The following SHOC2 variants were observed in gnomAD, a reference collection of about 807,000 sequenced individuals.
SHOC2 encodes leucine-rich repeat protein SHOC-2.
A neutral mutation model predicts 50.2 loss-of-function variants in SHOC2; 4 were observed. The observed-to-expected ratio is 0.08, with a 90% CI of 0.04 to 0.18. The LOEUF (loss-of-function observed/expected upper bound fraction) is 0.18, where lower values mean the gene tolerates loss of function less well. Among genes scored for constraint, SHOC2 ranks in the 10% least tolerant of loss-of-function variants. The probability of loss-of-function intolerance (pLI) is 1.00; values close to 1 mark genes in which losing one functional copy is unlikely to be tolerated. For synonymous variants in SHOC2, 218 were observed against 244.5 expected, an observed-to-expected ratio of 0.89 and a Z score of 1.01; for missense variants, 388 against 669.6, an observed-to-expected ratio of 0.58 and a Z score of 4.64.
intron 2 of SHOC2, among the ~76,000 whole-genome samples, chr10:110,969,277 G>C (rs1847732561): frequency 6.6e-6 from 1 of 151,982 alleles, no homozygotes; most frequent in Non-Finnish European, 1.5e-5. Context: ...TTCTAATCTT[G>C]AAAAAGACTC....
intron 3 of SHOC2, among the ~76,000 whole-genome samples, chr10:110,992,293 A>G (rs988336591): frequency 6.6e-6 from 1 of 152,180 alleles, no homozygotes; most frequent in Admixed American, 6.5e-5. Flanking sequence ...GCTTAAATAC[A>G]TATTTATAGT....
At chr10:110,976,003 C>G (rs749017709) in intron 2 of SHOC2, among the ~76,000 whole-genome samples, 21 of 151,970 alleles carry the variant, frequency 1.4e-4, no homozygotes, top group African/African-American at 1.9e-4. Context: ...CTCTGCCTCA[C>G]GGGTTCAAGT....
intron 1 of SHOC2, among the ~76,000 whole-genome samples, chr10:110,950,879 T>C (rs1043009398): frequency 6.6e-6 from 1 of 152,170 alleles, no homozygotes; most frequent in Non-Finnish European, 1.5e-5. Flanking sequence ...TTACACCATG[T>C]ACAAAAATCA....
In SHOC2 at chr10:110,937,998, C is replaced by T. The variant is rs148757838; in HGVS notation, c.-235+18341C>T. Among the ~76,000 whole-genome samples, 784 of 152,260 alleles carry T rather than the reference C, an allele frequency of 5.1e-3. 6 individuals carry two copies. Among genetic ancestry groups the T allele is most frequent in the African/African-American group, 0.018 (751 of 41,554 alleles). On this transcript the variant is annotated intron_variant, in intron 1 of 8. Transcript: ENST00000369452. Reference sequence around the variant, plus strand: ...CTTTCAACTGAATCTGAAAATTAAACTTTCATGTACAAAGTTCTGCTACTA... The same window carrying T: ...CTTTCAACTGAATCTGAAAATTAAATTTTCATGTACAAAGTTCTGCTACTA...
Position 111,011,961 on chromosome 10 carries a change from A to G in SHOC2, c.*143A>G, listed in dbSNP as rs1848574519. 4.3e-6 allele frequency: 3 copies of G among 704,282 alleles called. No individual in the cohort carries two copies. The highest frequency in any genetic ancestry group is 5.4e-5 in the East Asian group (2 of 37,024). 43.6% of individuals were successfully genotyped at this position (704,282 alleles called of 1,614,324 possible). ...ATGTGTTTCTGCTAATAGAGGAATC[A>G]TAGCCATTTAGAATTTTTTTTAAAT... On this transcript the variant is annotated 3_prime_UTR_variant, in exon 9 of 9. Coordinates refer to ENST00000369452, the MANE Select transcript of SHOC2 (RefSeq NM_007373.4).
chr10:110,985,925 C>T (rs1848067821), intron 3 of SHOC2, 160 bp downstream of exon 3: 7 of 645,830 alleles, frequency 1.1e-5, no homozygotes, highest in Middle Eastern at 7.0e-4. Flanking sequence ...TTTTTCATTT[C>T]CTTTTCTTGG....
At chr10:110,937,093 GA>G in intron 1 of SHOC2, 1 of 1,467,234 alleles carries the variant, frequency 6.8e-7, no homozygotes, top group East Asian at 2.3e-5. Context: ...TGTTTCTGTA[GA>G]AATTGCCAGA....
chr10:110,937,170 T>A (rs761360677), intron 1 of SHOC2: 10 of 1,544,042 alleles, frequency 6.5e-6, no homozygotes, highest in Non-Finnish European at 8.1e-6. Flanking sequence ...TTAGCCACGA[T>A]GGTCGCCAGG....
intron 1 of SHOC2, among the ~76,000 whole-genome samples, chr10:110,945,871 G>C (rs1203977961): frequency 3.9e-5 from 6 of 152,060 alleles, no homozygotes; most frequent in African/African-American, 1.4e-4. Context: ...CACTACCTGT[G>C]GATGTTCTTC....
chr10:110,988,207 T>G (rs2134152757), intron 3 of SHOC2, among the ~76,000 whole-genome samples: 1 of 152,264 alleles, frequency 6.6e-6, no homozygotes, highest in Admixed American at 6.5e-5. Context: ...TATCTTTACC[T>G]GGTTTTTGGT....
At chr10:110,961,859 A>G (rs1376856050) in intron 1 of SHOC2, among the ~76,000 whole-genome samples, 1 of 152,016 alleles carries the variant, frequency 6.6e-6, no homozygotes, top group Non-Finnish European at 1.5e-5. Flanking sequence ...TTTTTTAATT[A>G]TATTTGAAAA....
At chr10:110,927,810 T>C (rs1283580293) in intron 1 of SHOC2, among the ~76,000 whole-genome samples, 1 of 152,188 alleles carries the variant, frequency 6.6e-6, no homozygotes, top group Non-Finnish European at 1.5e-5. Context: ...TAGTGAATGT[T>C]TGAAATAAAT....
chr10:110,963,538 C>T (rs1472515536), intron 1 of SHOC2, among the ~76,000 whole-genome samples: 3 of 152,040 alleles, frequency 2.0e-5, no homozygotes, highest in Non-Finnish European at 2.9e-5. Context: ...TCTCTTCTAT[C>T]GTCACCACCA....
chr10:110,959,061 A>T (rs1196842552), intron 1 of SHOC2, among the ~76,000 whole-genome samples: 1 of 152,200 alleles, frequency 6.6e-6, no homozygotes, highest in African/African-American at 2.4e-5. Context: ...ATGTTATGTA[A>T]ATGCTTAGGC....
intron 3 of SHOC2, among the ~76,000 whole-genome samples, chr10:110,987,593 A>G (rs1365646144): frequency 6.6e-6 from 1 of 152,214 alleles, no homozygotes; most frequent in African/African-American, 2.4e-5. Context: ...TAAATATTCT[A>G]CTAAATGTCC....
chr10:110,990,772 A>G (rs1848171132), intron 3 of SHOC2, among the ~76,000 whole-genome samples: 1 of 152,046 alleles, frequency 6.6e-6, no homozygotes, highest in Admixed American at 6.6e-5. Context: ...ACAAAAAACA[A>G]AAAAAAACAC....
At chr10:110,956,197 T>G (rs1847458684) in intron 1 of SHOC2, among the ~76,000 whole-genome samples, 1 of 152,120 alleles carries the variant, frequency 6.6e-6, no homozygotes, top group African/African-American at 2.4e-5. Context: ...CATGTCTTTT[T>G]TTTTTTGAGA....
chr10:110,982,218 G>A (rs1170381536), intron 2 of SHOC2, among the ~76,000 whole-genome samples: 1 of 149,258 alleles, frequency 6.7e-6, no homozygotes, highest in Non-Finnish European at 1.5e-5. Context: ...GTATTCCATG[G>A]TGTATATGTG....
At chr10:110,946,165 T>G (rs1847242907) in intron 1 of SHOC2, among the ~76,000 whole-genome samples, 1 of 152,152 alleles carries the variant, frequency 6.6e-6, no homozygotes, top group South Asian at 2.1e-4. Context: ...ATCTTATTAT[T>G]GTAGTGGTAA....
Sources: allele counts gnomAD v4.1 joint callset (sites outside exome capture counted in the v4.1 genomes callset), GRCh38; gene constraint gnomAD v4.1.1; transcripts MANE v1.5; gene names NCBI Gene and HGNC (gene_info 2026-07-23, HGNC 2026-07-21).